TMPRSS15: variants seen among roughly 807,000 people sequenced by gnomAD.
TMPRSS15 encodes the protein enteropeptidase.
A neutral mutation model predicts 125.3 loss-of-function variants in TMPRSS15; 128 were observed. That is an observed-to-expected ratio of 1.02 (90% CI 0.89 to 1.18). The LOEUF (loss-of-function observed/expected upper bound fraction) is 1.18. Among genes scored for constraint, TMPRSS15 ranks in the 50% most tolerant of loss-of-function variants. The pLI is 0.00. For missense variants in TMPRSS15, 1,283 were observed against 1,212.7 expected, an observed-to-expected ratio of 1.06 and a Z score of -0.86; for synonymous variants, 446 against 423.2, an observed-to-expected ratio of 1.05 and a Z score of -0.66.
chr21:18,418,942 T>A (rs940073902), intron 1 of TMPRSS15, among the ~76,000 whole-genome samples: 2 of 152,146 alleles, frequency 1.3e-5, no homozygotes, highest in African/African-American at 4.8e-5. Context: ...AAGCCGACCA[T>A]ACAAGTTAGA....
chr21:18,315,408 G>A (rs1046224470), intron 16 of TMPRSS15, 152 bp from the exon 17 acceptor site: 11 of 634,018 alleles, frequency 1.7e-5, no homozygotes, highest in East Asian at 2.8e-5. Context: ...AGAGTTAATG[G>A]GTGCAGCACA....
chr21:18,357,964 A>G (rs1479153196), intron 8 of TMPRSS15, among the ~76,000 whole-genome samples: 1 of 151,844 alleles, frequency 6.6e-6, no homozygotes, highest in Admixed American at 6.6e-5. Flanking sequence ...TCAAAACTTT[A>G]AAATAAATGA....
rs568542425 is a variant in TMPRSS15, at chr21:18,270,271, C to A, written c.2905-147G>T. The A allele has an allele frequency of 3.5e-5, 22 of 630,154 alleles. No individual in the cohort carries two copies. The South Asian group carries it at 5.3e-4, about 15-fold the overall frequency. The allele number at this position is 630,154 out of a possible 1,614,324, so 39.0% of individuals were successfully genotyped here. The stretch of plus-strand genomic sequence containing the variant: ...AGTCATCTGTATATATTCTCACTTT[C>A]ACTCTAAGTCAGGAATGAGAACCTC... On this transcript the variant is annotated intron_variant, in intron 24 of 24. Transcript: ENST00000284885.
intron 22 of TMPRSS15, among the ~76,000 whole-genome samples, chr21:18,279,311 CTTTTTTTTTTTTTTTTTT>C (rs71189593): frequency 4.9e-5 from 2 of 41,094 alleles, no homozygotes; most frequent in African/African-American, 1.5e-4. Flanking sequence ...CCTCGTTACT[CTTTTTTTTTTTTTTTTTT>C]TTTTTTTTTT....
chr21:18,377,330 G>T (rs971725112), intron 5 of TMPRSS15, among the ~76,000 whole-genome samples: 10 of 152,100 alleles, frequency 6.6e-5, no homozygotes, highest in African/African-American at 2.4e-4. Context: ...TAAATTTAGG[G>T]TTTTTTATGA....
chr21:18,366,433 T>C (rs1370890107), intron 6 of TMPRSS15, among the ~76,000 whole-genome samples: 1 of 152,212 alleles, frequency 6.6e-6, no homozygotes, highest in African/African-American at 2.4e-5. Flanking sequence ...CCTCTTTTGG[T>C]TTTCATAGTA....
At chr21:18,329,324 G>T in intron 14 of TMPRSS15, 30 bp from the exon 15 acceptor site, 1 of 1,597,258 alleles carries the variant, frequency 6.3e-7, no homozygotes, top group South Asian at 1.1e-5. Context: ...ATTTAATTTG[G>T]AACACACTTG....
chr21:18,282,722 T>G (rs1347601807), intron 21 of TMPRSS15, among the ~76,000 whole-genome samples: 1 of 152,224 alleles, frequency 6.6e-6, no homozygotes, highest in African/African-American at 2.4e-5. Flanking sequence ...ATCTCTTCAT[T>G]TAATCCTCAT....
At chr21:18,318,779 T>C (rs1377908388) in intron 16 of TMPRSS15, among the ~76,000 whole-genome samples, 1 of 152,204 alleles carries the variant, frequency 6.6e-6, no homozygotes, top group African/African-American at 2.4e-5. Context: ...TTTGCTTATA[T>C]GGTCATTGAG....
At position 18,295,120 on chromosome 21, in the gene TMPRSS15, G is replaced by A. The variant is rs373153782; in HGVS notation, c.2262-468C>T. Among the ~76,000 whole-genome samples, 7 of 152,272 alleles carry A rather than the reference G, an allele frequency of 4.6e-5. No individual in the cohort carries two copies. The South Asian group carries it at 6.2e-4, about 14-fold the overall frequency. On this transcript the variant is annotated intron_variant, in intron 19 of 24. Coordinates refer to ENST00000284885, the MANE Select transcript of TMPRSS15 (RefSeq NM_002772.3). The stretch of plus-strand genomic sequence containing the variant: ...TGACAACTATTCCGTGCCCAACACC[G>A]TGTATGAGGCTGTGTGCTTCATTCA...
chr21:18,315,052 C>T, intron 17 of TMPRSS15, 94 bp downstream of exon 17: 1 of 985,650 alleles, frequency 1.0e-6, no homozygotes, highest in African/African-American at 1.6e-5. Context: ...CAAAACAGGT[C>T]CTAATAGACA....
At chr21:18,431,136 G>C (rs1315291342) in intron 1 of TMPRSS15, among the ~76,000 whole-genome samples, 1 of 152,072 alleles carries the variant, frequency 6.6e-6, no homozygotes, top group Non-Finnish European at 1.5e-5. Flanking sequence ...CCAGTAAAAA[G>C]AGAAAAAGAA....
intron 22 of TMPRSS15, among the ~76,000 whole-genome samples, chr21:18,280,312 C>T (rs1278186501): frequency 1.3e-5 from 2 of 152,128 alleles, no homozygotes; most frequent in Admixed American, 6.5e-5. Flanking sequence ...CACGGTGGCT[C>T]ACGCCTGTAA....
rs117011618 is a variant in TMPRSS15 at position 18,456,654 on chromosome 21, T to C, written c.10+29145A>G. The stretch of plus-strand genomic sequence containing the variant: ...ACTCTTACTATGAAGCTAGTTAGAA[T>C]TGTTAATTAGAGCTGTATATTATTC... On this transcript the variant is annotated intron_variant, in intron 1 of 7. Transcript: ENST00000422787. Among the ~76,000 whole-genome samples, 895 of 152,190 alleles carry C rather than the reference T, an allele frequency of 5.9e-3. 6 individuals carry two copies. Among genetic ancestry groups the C allele is most frequent in the Non-Finnish European group, 8.9e-3 (605 of 67,934 alleles).
intron 1 of TMPRSS15, among the ~76,000 whole-genome samples, chr21:18,433,462 G>A (rs980877332): frequency 6.6e-6 from 1 of 151,870 alleles, no homozygotes; most frequent in African/African-American, 2.4e-5. Flanking sequence ...GGAGGCAGAC[G>A]AGGGCAGATT....
chr21:18,408,661 G>A (rs1333589164), upstream of TMPRSS15, among the ~76,000 whole-genome samples: 1 of 152,042 alleles, frequency 6.6e-6, no homozygotes, highest in East Asian at 1.9e-4. Context: ...GGTTTTTAAA[G>A]GGGTGGTCAT....
intron 21 of TMPRSS15, among the ~76,000 whole-genome samples, chr21:18,286,041 G>A (rs2074759448): frequency 6.6e-6 from 1 of 152,112 alleles, no homozygotes; most frequent in African/African-American, 2.4e-5. Context: ...CCAGAAATAG[G>A]CCAAACACTC....
intron 1 of TMPRSS15, among the ~76,000 whole-genome samples, chr21:18,415,275 G>A (rs560588916): frequency 3.9e-5 from 6 of 151,920 alleles, no homozygotes; most frequent in Non-Finnish European, 5.9e-5. Flanking sequence ...TCAGATGTTC[G>A]TTTTGCAAAT....
chr21:18,403,394 T>G (rs2076114730), intron 1 of TMPRSS15, 84 bp downstream of exon 1: 5 of 1,579,952 alleles, frequency 3.2e-6, no homozygotes, highest in Non-Finnish European at 4.3e-6. Context: ...TGGCAATGAA[T>G]AAAATAGACT....
Sources: gnomAD v4.1 joint callset for allele counts (sites outside exome capture counted in the v4.1 genomes callset) on GRCh38, gnomAD v4.1.1 for gene constraint, MANE v1.5 for transcripts, NCBI Gene and HGNC (gene_info 2026-07-23, HGNC 2026-07-21) for gene names.